RABGAP1L: variants seen among roughly 807,000 people sequenced by gnomAD.
The protein encoded by RABGAP1L is rab GTPase-activating protein 1-like.
RABGAP1L carries 63 observed loss-of-function variants against 137.7 expected under a neutral mutation model. That is an observed-to-expected ratio of 0.46 (90% CI 0.37 to 0.56). The LOEUF (loss-of-function observed/expected upper bound fraction) is 0.56, where lower values mean the gene tolerates loss of function less well. RABGAP1L is among the 20% of genes least tolerant of loss of function. RABGAP1L has a pLI of 0.00. For missense variants in RABGAP1L, 1,095 were observed against 1,244.0 expected (o/e 0.88, Z 1.80); for synonymous variants, 431 against 433.7 (o/e 0.99, Z 0.08).
intron 17 of RABGAP1L, among the ~76,000 whole-genome samples, chr1:174,748,472 AAGTTAC>A (rs1684061299): frequency 6.6e-6 from 1 of 152,156 alleles, no homozygotes; most frequent in Admixed American, 6.5e-5. Context: ...TTATTTTGCC[AAGTTAC>A]AGACCATGAT....
chr1:174,542,721 G>C (rs1665583263), intron 13 of RABGAP1L, among the ~76,000 whole-genome samples: 1 of 152,080 alleles, frequency 6.6e-6, no homozygotes, highest in South Asian at 2.1e-4. Flanking sequence ...GTTTACTCTT[G>C]TGGGCATTTA....
intron 11 of RABGAP1L, among the ~76,000 whole-genome samples, chr1:174,358,036 AACT>A (rs1202701792): frequency 6.6e-6 from 1 of 152,222 alleles, no homozygotes; most frequent in Non-Finnish European, 1.5e-5. Flanking sequence ...CCAGTATCAC[AACT>A]AATAACTGTT....
At chr1:174,204,187 G>A (rs1171955171) in intron 1 of RABGAP1L, among the ~76,000 whole-genome samples, 1 of 152,124 alleles carries the variant, frequency 6.6e-6, no homozygotes, top group Non-Finnish European at 1.5e-5. Flanking sequence ...CTGACCTCAA[G>A]TGATCTGCCC....
At chr1:174,839,855 T>A (rs937334126) in intron 19 of RABGAP1L, among the ~76,000 whole-genome samples, 1 of 152,172 alleles carries the variant, frequency 6.6e-6, no homozygotes, top group African/African-American at 2.4e-5. Context: ...AAATATTTTT[T>A]CAGGCAGACT....
intron 11 of RABGAP1L, among the ~76,000 whole-genome samples, chr1:174,324,933 T>C (rs538854412): frequency 1.8e-4 from 27 of 152,176 alleles, no homozygotes; most frequent in Non-Finnish European, 2.6e-4. Context: ...AGAAACCTCA[T>C]TGTAGTGCAT....
At chr1:174,176,256 A>T (rs983380786) in intron 1 of RABGAP1L, among the ~76,000 whole-genome samples, 2 of 152,190 alleles carry the variant, frequency 1.3e-5, no homozygotes, top group African/African-American at 2.4e-5. Flanking sequence ...CATCACATTA[A>T]TGAACTTTTT....
intron 13 of RABGAP1L, among the ~76,000 whole-genome samples, chr1:174,428,538 T>C (rs1227574468): frequency 6.6e-6 from 1 of 152,214 alleles, no homozygotes; most frequent in East Asian, 1.9e-4. Context: ...AGTTAGTTTA[T>C]TATCAACTTA....
chr1:174,186,519 A>G (rs991520074), intron 1 of RABGAP1L, among the ~76,000 whole-genome samples: 1 of 152,236 alleles, frequency 6.6e-6, no homozygotes, highest in Non-Finnish European at 1.5e-5. Context: ...CTATCTGTCT[A>G]CTATATAGAT....
At chr1:174,758,628 T>G (rs1684970218) in intron 18 of RABGAP1L, among the ~76,000 whole-genome samples, 1 of 152,184 alleles carries the variant, frequency 6.6e-6, no homozygotes, top group Non-Finnish European at 1.5e-5. Flanking sequence ...TTTCATTCTT[T>G]TTTATGGCTG....
At chr1:174,221,561 A>C (rs563482571) in intron 3 of RABGAP1L, among the ~76,000 whole-genome samples, 73 of 152,380 alleles carry the variant, frequency 4.8e-4, no homozygotes, top group African/African-American at 1.7e-3. Context: ...AAAACATATC[A>C]ATTCCAACAG....
chr1:174,566,045 C>T (rs1667561868), intron 13 of RABGAP1L, among the ~76,000 whole-genome samples: 1 of 152,100 alleles, frequency 6.6e-6, no homozygotes, highest in Non-Finnish European at 1.5e-5. Context: ...CATGCCACCA[C>T]ATCCAGCTAA....
At chr1:174,417,325 T>C (rs1650719000) in intron 13 of RABGAP1L, among the ~76,000 whole-genome samples, 2 of 152,174 alleles carry the variant, frequency 1.3e-5, no homozygotes, top group African/African-American at 2.4e-5. Context: ...TCAGTTATAG[T>C]TCAAGGTGCT....
At chr1:174,909,955 C>T (rs6671196) in intron 19 of RABGAP1L, among the ~76,000 whole-genome samples, 30,337 of 151,988 alleles carry the variant, frequency 0.2, 3,419 homozygotes, top group Admixed American at 0.24. Context: ...CTAGCTAACA[C>T]GGTGAAACCC....
intron 19 of RABGAP1L, among the ~76,000 whole-genome samples, chr1:174,851,784 G>A (rs368040145): frequency 7.2e-5 from 11 of 151,746 alleles, no homozygotes; most frequent in African/African-American, 2.2e-4. Context: ...GCTTCCCAAA[G>A]TGTTGGGATT....
chr1:174,982,725 C>T, intron 23 of RABGAP1L, 109 bp from the exon 24 acceptor site: 1 of 1,116,748 alleles, frequency 9.0e-7, no homozygotes, highest in Admixed American at 2.2e-5. Context: ...TGTAAAATTC[C>T]TTCTAGGATC....
In RABGAP1L at chr1:174,481,319, T is replaced by C. The variant is rs116722960; in HGVS notation, c.1710+87174T>C. Among the ~76,000 whole-genome samples the C allele has an allele frequency of 7.2e-3, 1,093 of 152,326 alleles. 11 individuals are homozygous for C. The highest frequency in any genetic ancestry group is 0.025 in the African/African-American group (1,042 of 41,582). ...AGTTGAATCATTGACCACTTTTTGC[T>C]TGAAGTTCTCAGCTCATGCTGCTTT... On this transcript the variant is annotated intron_variant, in intron 13 of 25. Transcript: ENST00000681986.
chr1:174,673,752 G>A (rs1319208752), intron 14 of RABGAP1L, among the ~76,000 whole-genome samples: 2 of 151,978 alleles, frequency 1.3e-5, no homozygotes, highest in Non-Finnish European at 1.5e-5. Context: ...ATGCATATGT[G>A]GTACCTAAAT....
At chr1:174,420,677 G>GT (rs67587872) in intron 13 of RABGAP1L, among the ~76,000 whole-genome samples, 37,912 of 133,774 alleles carry the variant, frequency 0.28, 6,070 homozygotes, top group African/African-American at 0.4. Context: ...TGGGTGTTTT[G>GT]TTTTTTTTTT....
At chr1:174,534,075 A>C (rs1031019092) in intron 13 of RABGAP1L, among the ~76,000 whole-genome samples, 1 of 150,656 alleles carries the variant, frequency 6.6e-6, no homozygotes, top group Non-Finnish European at 1.5e-5. Context: ...TTATACATGG[A>C]TTTTTGACTG....
Sources: gnomAD v4.1 joint callset for allele counts (sites outside exome capture counted in the v4.1 genomes callset) on GRCh38, gnomAD v4.1.1 for gene constraint, MANE v1.5 for transcripts, NCBI Gene and HGNC (gene_info 2026-07-23, HGNC 2026-07-21) for gene names.